CSMD1: variants seen among roughly 807,000 people sequenced by gnomAD.
CSMD1 encodes CUB and Sushi multiple domains 1.
Under a neutral mutation model 417.5 loss-of-function variants are expected in CSMD1, and 213 were observed. The observed-to-expected ratio is 0.51, with a 90% CI of 0.46 to 0.57. The LOEUF (loss-of-function observed/expected upper bound fraction) is 0.57. Among genes scored for constraint, CSMD1 ranks in the 20% least tolerant of loss-of-function variants. The pLI is 0.00. For synonymous variants in CSMD1, 2,862 were observed against 1,736.8 expected, an observed-to-expected ratio of 1.65 and a Z score of -16.11; for missense variants, 6,923 against 4,529.7, an observed-to-expected ratio of 1.53 and a Z score of -15.17.
At chr8:4,563,958 T>C (rs1374909850) in intron 2 of CSMD1, among the ~76,000 whole-genome samples, 2 of 152,208 alleles carry the variant, frequency 1.3e-5, no homozygotes, top group Admixed American at 6.5e-5. Flanking sequence ...AGACTAAATA[T>C]ATTGTTTTAG....
At chr8:3,394,020 ATATATAT>A (rs1811525231) in intron 17 of CSMD1, among the ~76,000 whole-genome samples, 1 of 52,104 alleles carries the variant, frequency 1.9e-5, no homozygotes, top group East Asian at 5.2e-4. Flanking sequence ...AATTATATAT[ATATATAT>A]ATATATATAT....
intron 5 of CSMD1, among the ~76,000 whole-genome samples, chr8:3,918,743 A>T (rs539170232): frequency 6.6e-6 from 1 of 152,270 alleles, no homozygotes; most frequent in South Asian, 2.1e-4. Flanking sequence ...GGATGGTATT[A>T]GAGACTATTC....
At chr8:4,179,955 T>C (rs1463697150) in intron 3 of CSMD1, among the ~76,000 whole-genome samples, 4 of 151,990 alleles carry the variant, frequency 2.6e-5, no homozygotes, top group Non-Finnish European at 4.4e-5. Context: ...TGTGGAGAAA[T>C]AGGAACACTT....
chr8:4,375,330 C>G (rs28593012), intron 3 of CSMD1, among the ~76,000 whole-genome samples: 55,877 of 151,836 alleles, frequency 0.37, 10,524 homozygotes, highest in Non-Finnish European at 0.42. Flanking sequence ...CCTGGTCTGT[C>G]AGGAGGGTGA....
At chr8:3,080,674 C>G (rs907334560) in intron 49 of CSMD1, among the ~76,000 whole-genome samples, 2 of 152,182 alleles carry the variant, frequency 1.3e-5, no homozygotes, top group African/African-American at 4.8e-5. Flanking sequence ...TCCCAAATCC[C>G]CTTCAAGACC....
chr8:4,843,024 A>C (rs1563564544), intron 1 of CSMD1, among the ~76,000 whole-genome samples: 1 of 152,228 alleles, frequency 6.6e-6, no homozygotes, highest in African/African-American at 2.4e-5. Context: ...GGACTCTAAC[A>C]TCAACTGAGT....
At chr8:3,334,597 G>A (rs115827358) in intron 23 of CSMD1, among the ~76,000 whole-genome samples, 1,708 of 152,282 alleles carry the variant, frequency 0.011, 36 homozygotes, top group African/African-American at 0.039. Context: ...GCATCCACAG[G>A]CTACGTTGTA....
chr8:3,968,593 G>C (rs562839217), intron 5 of CSMD1, among the ~76,000 whole-genome samples: 4 of 152,156 alleles, frequency 2.6e-5, no homozygotes, highest in African/African-American at 4.8e-5. Context: ...ATTTCAGATG[G>C]AATATTCGCT....
At chr8:3,681,935 TG>T (rs1344111808) in intron 7 of CSMD1, among the ~76,000 whole-genome samples, 1 of 152,144 alleles carries the variant, frequency 6.6e-6, no homozygotes, top group Non-Finnish European at 1.5e-5. Flanking sequence ...AAACAAGAAA[TG>T]GGGAAAGGAT....
intron 54 of CSMD1, among the ~76,000 whole-genome samples, chr8:2,992,204 C>G (rs941934364): frequency 4.0e-5 from 6 of 149,322 alleles, no homozygotes; most frequent in Non-Finnish European, 8.8e-5. Flanking sequence ...CACATACATA[C>G]ACACATGCAC....
At chr8:3,601,516 C>G (rs376952258) in intron 8 of CSMD1, among the ~76,000 whole-genome samples, 11 of 152,176 alleles carry the variant, frequency 7.2e-5, no homozygotes, top group Non-Finnish European at 1.6e-4. Flanking sequence ...ACCAACCTCG[C>G]TTGCACATCA....
chr8:3,130,476 G>A (rs906706362), intron 41 of CSMD1, among the ~76,000 whole-genome samples: 1 of 151,156 alleles, frequency 6.6e-6, no homozygotes, highest in Non-Finnish European at 1.5e-5. Context: ...TTCATTCTCT[G>A]CATGTAAGCA....
At chr8:3,832,850 C>A (rs1028015578) in intron 5 of CSMD1, among the ~76,000 whole-genome samples, 1 of 152,064 alleles carries the variant, frequency 6.6e-6, no homozygotes, top group Non-Finnish European at 1.5e-5. Flanking sequence ...TATAGAAACA[C>A]GTAGAAACAT....
intron 3 of CSMD1, among the ~76,000 whole-genome samples, chr8:4,042,750 G>T (rs1373593043): frequency 1.4e-5 from 2 of 145,864 alleles, no homozygotes; most frequent in African/African-American, 2.5e-5. Context: ...CAGAGGCTGG[G>T]TAAGAAGAAA....
At position 3,187,975 on chromosome 8, in the gene CSMD1, C is replaced by G; in HGVS notation, c.5524-10G>C. On this transcript the variant is annotated splice_polypyrimidine_tract_variant and intron_variant, in intron 35 of 69. Coordinates refer to ENST00000635120, the MANE Select transcript of CSMD1 (RefSeq NM_033225.6). ...AACTGATCACTTGGATCTACCAAAC[C>G]ATGACATTAAGTTAATATTTATTTT... 1 of 1,608,612 alleles carries G rather than the reference C, an allele frequency of 6.2e-7. No homozygotes were observed. The highest frequency in any genetic ancestry group is 8.5e-7 in the Non-Finnish European group (1 of 1,177,186).
chr8:3,099,567 T>C (rs1175898335), intron 46 of CSMD1, among the ~76,000 whole-genome samples: 1 of 152,206 alleles, frequency 6.6e-6, no homozygotes, highest in Non-Finnish European at 1.5e-5. Flanking sequence ...CCTGCATTTT[T>C]ATGAGGACTG....
chr8:3,833,084 A>T (rs1350021914), intron 5 of CSMD1, among the ~76,000 whole-genome samples: 1 of 152,042 alleles, frequency 6.6e-6, no homozygotes, highest in Non-Finnish European at 1.5e-5. Flanking sequence ...TCTGATTTTT[A>T]TTTTTATTTT....
chr8:4,172,192 C>G (rs76171673), intron 3 of CSMD1, among the ~76,000 whole-genome samples: 263 of 152,184 alleles, frequency 1.7e-3, no homozygotes, highest in African/African-American at 6.1e-3. Flanking sequence ...GAGAAAAACT[C>G]TACGCCATCT....
At chr8:3,376,990 C>G (rs1810347769) in intron 18 of CSMD1, among the ~76,000 whole-genome samples, 1 of 152,202 alleles carries the variant, frequency 6.6e-6, no homozygotes, top group Non-Finnish European at 1.5e-5. Flanking sequence ...TAACATCACC[C>G]AAAATTTGTA....
Sources: allele counts gnomAD v4.1 joint callset (sites outside exome capture counted in the v4.1 genomes callset), GRCh38; gene constraint gnomAD v4.1.1; transcripts MANE v1.5; gene names NCBI Gene and HGNC (gene_info 2026-07-23, HGNC 2026-07-21).